SYN2: variants seen among roughly 807,000 people sequenced by gnomAD.
The protein encoded by SYN2 is synapsin-2.
Under a neutral mutation model 50.9 loss-of-function variants are expected in SYN2, and 19 were observed. The ratio of observed to expected loss-of-function variants is 0.37; its 90% CI spans 0.26 to 0.55. The LOEUF is 0.55. Ranked by LOEUF, SYN2 falls within the 20% of genes least tolerant of loss-of-function variation. The pLI is 0.81. For missense variants in SYN2, 587 were observed against 576.4 expected (o/e 1.02, Z -0.19); for synonymous variants, 255 against 224.9 (o/e 1.13, Z -1.20).
intron 10 of SYN2, 30 bp downstream of exon 10, chr3:12,169,936 C>T (rs1697902625): frequency 1.9e-6 from 3 of 1,578,274 alleles, no homozygotes; most frequent in Non-Finnish European, 2.6e-6. Flanking sequence ...CATAGCAGAG[C>T]CAAGAACCAT....
chr3:12,184,050 T>C, intron 11 of SYN2: 1 of 986,282 alleles, frequency 1.0e-6, no homozygotes, highest in Non-Finnish European at 1.2e-6. Context: ...TTGCTAAAAT[T>C]TGGTGCAGTT....
chr3:12,109,644 G>A (rs1422525581), intron 1 of SYN2, among the ~76,000 whole-genome samples: 1 of 151,972 alleles, frequency 6.6e-6, no homozygotes, highest in Non-Finnish European at 1.5e-5. Flanking sequence ...AAATTTCCTT[G>A]ATTTTTTTCT....
chr3:12,080,810 C>T (rs971629906), intron 1 of SYN2, among the ~76,000 whole-genome samples: 2 of 152,148 alleles, frequency 1.3e-5, no homozygotes, highest in East Asian at 3.8e-4. Flanking sequence ...CTGTAGATAT[C>T]TATCAGGTCC....
At chr3:12,171,638 G>A (rs942795523) in intron 10 of SYN2, among the ~76,000 whole-genome samples, 11 of 152,178 alleles carry the variant, frequency 7.2e-5, no homozygotes, top group African/African-American at 2.2e-4. Context: ...AGTAAAGGCC[G>A]TGCTAAGAGT....
At chr3:12,169,958 C>T in intron 10 of SYN2, 52 bp downstream of exon 10, 1 of 1,544,898 alleles carries the variant, frequency 6.5e-7, no homozygotes, top group Non-Finnish European at 8.7e-7. Context: ...CCCAAGCCCA[C>T]TCCTCTAGAT....
chr3:12,122,144 G>T (rs1696574263), intron 1 of SYN2, among the ~76,000 whole-genome samples: 1 of 152,160 alleles, frequency 6.6e-6, no homozygotes, highest in South Asian at 2.1e-4. Context: ...GCCTAGCCAA[G>T]TTTGCATATA....
chr3:12,174,473 C>T (rs1698014459), intron 10 of SYN2, among the ~76,000 whole-genome samples: 1 of 152,012 alleles, frequency 6.6e-6, no homozygotes, highest in Admixed American at 6.6e-5. Flanking sequence ...CTCTGAAATG[C>T]TCTTTCTTCT....
chr3:12,042,689 C>T (rs1190782008), intron 1 of SYN2, among the ~76,000 whole-genome samples: 3 of 152,150 alleles, frequency 2.0e-5, no homozygotes, highest in Non-Finnish European at 4.4e-5. Flanking sequence ...AGTGTCTTTG[C>T]AGCTAAGGAT....
At chr3:12,137,978 GA>G (rs1696933966) in intron 1 of SYN2, among the ~76,000 whole-genome samples, 1 of 152,148 alleles carries the variant, frequency 6.6e-6, no homozygotes, top group South Asian at 2.1e-4. Context: ...ATACAACCAG[GA>G]AAGGGTACAG....
chr3:12,029,438 A>T (rs1210735126), intron 1 of SYN2, among the ~76,000 whole-genome samples: 1 of 125,538 alleles, frequency 8.0e-6, no homozygotes, highest in Non-Finnish European at 1.5e-5. Context: ...CTTGATGGGG[A>T]TGGCATTGAA....
chr3:12,095,561 A>T (rs998340371), intron 1 of SYN2, among the ~76,000 whole-genome samples: 1 of 116,710 alleles, frequency 8.6e-6, no homozygotes, highest in Non-Finnish European at 1.8e-5. Flanking sequence ...AAAAAAAAAA[A>T]AAAAAAAAAA....
rs75977141 is a variant in SYN2, at chr3:12,095,819, T to C, written c.378-44832T>C. 1.4e-3 allele frequency among the ~76,000 whole-genome samples: 218 copies of C among 152,090 alleles called. 1 individual carries two copies. The highest frequency in any genetic ancestry group is 5.1e-3 in the African/African-American group (211 of 41,498). On this transcript the variant is annotated intron_variant, in intron 1 of 12. Coordinates refer to ENST00000621198, the MANE Select transcript of SYN2 (RefSeq NM_133625.6). The stretch of plus-strand genomic sequence containing the variant: ...TCTGTAAATTATTTTCTTGGGTGAT[T>C]GCAGCCATCACCATAGATTTCATAC...
At chr3:12,181,019 A>C (rs759632472) in intron 10 of SYN2, among the ~76,000 whole-genome samples, 1 of 152,234 alleles carries the variant, frequency 6.6e-6, no homozygotes, top group African/African-American at 2.4e-5. Context: ...AATATTATCT[A>C]TGATGTCTTT....
intron 1 of SYN2, among the ~76,000 whole-genome samples, chr3:12,049,742 TTATA>T (rs936890991): frequency 1.3e-5 from 2 of 152,180 alleles, no homozygotes; most frequent in African/African-American, 4.8e-5. Flanking sequence ...TTTTATTCAT[TTATA>T]TATCCACTGG....
chr3:12,150,785 C>T (rs1697266692), intron 4 of SYN2, among the ~76,000 whole-genome samples: 1 of 152,136 alleles, frequency 6.6e-6, no homozygotes. Flanking sequence ...TCCATCATTC[C>T]TTTGCCTGAC....
chr3:12,156,123 G>A (rs781599163), intron 5 of SYN2, among the ~76,000 whole-genome samples: 17 of 152,178 alleles, frequency 1.1e-4, no homozygotes, highest in Non-Finnish European at 1.8e-4. Context: ...TGAATGTGTG[G>A]ATAGATCGTG....
intron 1 of SYN2, among the ~76,000 whole-genome samples, chr3:12,116,170 C>T (rs1019464384): frequency 2.0e-5 from 3 of 152,114 alleles, no homozygotes; most frequent in Non-Finnish European, 2.9e-5. Flanking sequence ...CCATAGCCCG[C>T]AGACAGCAAA....
chr3:12,108,920 T>C (rs1456081543), intron 1 of SYN2, among the ~76,000 whole-genome samples: 1 of 151,140 alleles, frequency 6.6e-6, no homozygotes, highest in Non-Finnish European at 1.5e-5. Flanking sequence ...AAAACTCAAA[T>C]ATCCATTCTG....
chr3:12,036,272 C>G (rs1373417395), intron 1 of SYN2, among the ~76,000 whole-genome samples: 1 of 152,144 alleles, frequency 6.6e-6, no homozygotes, highest in Non-Finnish European at 1.5e-5. Context: ...AGGGGTGCGG[C>G]ACACTAGCTG....
Sources: gnomAD v4.1 joint callset for allele counts (sites outside exome capture counted in the v4.1 genomes callset) on GRCh38, gnomAD v4.1.1 for gene constraint, MANE v1.5 for transcripts, NCBI Gene and HGNC (gene_info 2026-07-23, HGNC 2026-07-21) for gene names.